PAICS: variants seen among roughly 807,000 people sequenced by gnomAD.
PAICS encodes the protein phosphoribosylaminoimidazole carboxylase and phosphoribosylaminoimidazolesuccinocarboxamide synthase.
PAICS carries 33 observed loss-of-function variants against 53.7 expected under a neutral mutation model. That is an observed-to-expected ratio of 0.61 (90% CI 0.47 to 0.82). The LOEUF is 0.82. Among genes scored for constraint, PAICS ranks in the 40% least tolerant of loss-of-function variants. PAICS has a pLI of 0.00. For missense variants in PAICS, 394 were observed against 494.1 expected (o/e 0.80, Z 1.92); for synonymous variants, 141 against 167.2 (o/e 0.84, Z 1.21).
chr4:56,414,859 A>G, the PAICS span, among the ~76,000 whole-genome samples: 2 of 152,238 alleles, frequency 1.3e-5, no homozygotes, highest in Non-Finnish European at 2.9e-5. Context: ...GTTTTCAACC[A>G]AATCTAAAAC....
the PAICS span, among the ~76,000 whole-genome samples, chr4:56,417,835 G>GTTTTTTTTTTTTTTTTTTTTTTTTT: frequency 6.8e-5 from 7 of 102,526 alleles, no homozygotes; most frequent in African/African-American, 2.4e-4. Context: ...TGAAGATTTG[G>GTTTTTTTTTTTTTTTTTTTTTTTTT]TTTTTTGTTT....
chr4:56,438,371 T>TTATATGTA (rs1718135506), intron 1 of PAICS, among the ~76,000 whole-genome samples: 1 of 113,636 alleles, frequency 8.8e-6, no homozygotes, highest in African/African-American at 3.0e-5. Flanking sequence ...TGCAATGTGT[T>TTATATGTA]TATATATATA....
At chr4:56,434,598 G>T (rs144298967), upstream of PAICS, among the ~76,000 whole-genome samples, 44 of 152,264 alleles carry the variant, frequency 2.9e-4, no homozygotes, top group African/African-American at 1.0e-3. Flanking sequence ...TTGGCATAGA[G>T]ACACTACTCC....
the PAICS span, chr4:56,422,192 GGAA>G: frequency 6.6e-6 from 1 of 152,028 alleles, no homozygotes; most frequent in Admixed American, 6.6e-5. Flanking sequence ...GAGAATCCTT[GGAA>G]CCTGGGAGGC....
In PAICS at chr4:56,463,122, C is replaced by T. The variant is rs143483462; in HGVS notation, c.*3584C>T. 5 of 152,242 alleles carry T rather than the reference C, an allele frequency of 3.3e-5. No homozygotes were observed. In the East Asian group the frequency reaches 9.7e-4, roughly 29 times the overall value. 9.4% of individuals were successfully genotyped at this position (152,242 alleles called of 1,614,324 possible). On this transcript the variant is annotated 3_prime_UTR_variant, in exon 9 of 9. Transcript: ENST00000512576. ...GAGCATCCACAACCTGCCATTTCAG[C>T]CCAGCCAACCTTAGAAAGCCATTGA...
chr4:56,454,722 A>G (rs1419543761), intron 8 of PAICS, among the ~76,000 whole-genome samples: 1 of 150,610 alleles, frequency 6.6e-6, no homozygotes, highest in African/African-American at 2.4e-5. Flanking sequence ...CATTCCCTAT[A>G]TTTTCTATAA....
At chr4:56,446,236 A>AT (rs1473806038) in intron 2 of PAICS, 1 of 600,464 alleles carries the variant, frequency 1.7e-6, no homozygotes, top group Non-Finnish European at 3.1e-6. Flanking sequence ...CCCATTATCC[A>AT]TTTCCAGAAC....
At chr4:56,426,824 A>G in the PAICS span, among the ~76,000 whole-genome samples, 1 of 152,196 alleles carries the variant, frequency 6.6e-6, no homozygotes. Flanking sequence ...TTGTGCAAAC[A>G]TCACCACTCT....
Position 56,463,642 on chromosome 4 carries a change from G to C in PAICS, c.*4104G>C, listed in dbSNP as rs570802116. The stretch of plus-strand genomic sequence containing the variant: ...TGGAAGGCAGAGGTTGTGGTGAGCT[G>C]AGATCGAACCATTGCACTCCAGCCT... On this transcript the variant is annotated 3_prime_UTR_variant, in exon 9 of 9. Transcript: ENST00000512576. 18 of 148,722 alleles carry C rather than the reference G, an allele frequency of 1.2e-4. No individual in the cohort carries two copies. Among genetic ancestry groups the C allele is most frequent in the African/African-American group, 4.2e-4 (17 of 40,010 alleles). The allele number at this position is 148,722 out of a possible 1,614,324, so 9.2% of individuals were successfully genotyped here.
At chr4:56,436,197 C>A, upstream of PAICS, 1 of 1,524,044 alleles carries the variant, frequency 6.6e-7, no homozygotes, top group Non-Finnish European at 8.8e-7. Context: ...AAGAGTGGCG[C>A]AGGGTCGCGC....
At chr4:56,431,772 G>T (rs114460344), upstream of PAICS, among the ~76,000 whole-genome samples, 1,757 of 152,294 alleles carry the variant, frequency 0.012, 33 homozygotes, top group African/African-American at 0.038. Context: ...AAATGTGACT[G>T]TGTTTTAAAG....
chr4:56,444,310 G>C (rs561800386), intron 2 of PAICS, among the ~76,000 whole-genome samples: 1 of 152,184 alleles, frequency 6.6e-6, no homozygotes, highest in Non-Finnish European at 1.5e-5. Context: ...ACAATTTGTG[G>C]ATTTGGTTTT....
intron 8 of PAICS, among the ~76,000 whole-genome samples, 178 bp downstream of exon 8, chr4:56,453,939 T>C (rs1719055745): frequency 6.6e-6 from 1 of 152,216 alleles, no homozygotes; most frequent in Admixed American, 6.5e-5. Flanking sequence ...TTAGACGTTA[T>C]AGTAATTTAT....
chr4:56,458,018 G>A (rs144772547), intron 8 of PAICS, among the ~76,000 whole-genome samples: 2 of 152,142 alleles, frequency 1.3e-5, no homozygotes, highest in East Asian at 1.9e-4. Flanking sequence ...AAAAATCAGC[G>A]GCTACAAATA....
At chr4:56,451,799 T>G in intron 6 of PAICS, 73 bp from the exon 7 acceptor site, 1 of 916,910 alleles carries the variant, frequency 1.1e-6, no homozygotes, top group Non-Finnish European at 1.6e-6. Flanking sequence ...AGATATAATT[T>G]TACTACAAAC....
At chr4:56,439,532 C>T (rs1390463692) in intron 1 of PAICS, among the ~76,000 whole-genome samples, 2 of 152,154 alleles carry the variant, frequency 1.3e-5, no homozygotes, top group Admixed American at 6.5e-5. Flanking sequence ...CCACTGTTCC[C>T]GGCCCACTGT....
In PAICS at chr4:56,463,964, GAAC is replaced by G. The variant is rs1469070254; in HGVS notation, c.*4429_*4431del. The G allele has an allele frequency of 1.3e-5, 2 of 150,392 alleles. No homozygotes were observed. The highest frequency in any genetic ancestry group is 3.9e-4 in the East Asian group (2 of 5,178). The allele number at this position is 150,392 out of a possible 1,614,324, so 9.3% of individuals were successfully genotyped here. On this transcript the variant is annotated 3_prime_UTR_variant, in exon 9 of 9. Coordinates refer to ENST00000512576, the MANE Select transcript of PAICS (RefSeq NM_001079524.2). ...ATCTAATCCATTGAGGGCCTGAATAGAACAAAAAAGGGGAAGAAGGGTGAACTG... is the reference window on the plus strand; with the variant it reads ...ATCTAATCCATTGAGGGCCTGAATAGAAAAAAGGGGAAGAAGGGTGAACTG...
chr4:56,414,747 G>A, the PAICS span, among the ~76,000 whole-genome samples: 1 of 152,138 alleles, frequency 6.6e-6, no homozygotes, highest in Non-Finnish European at 1.5e-5. Flanking sequence ...TAGAAACCCT[G>A]CCTTTATTTA....
the PAICS span, among the ~76,000 whole-genome samples, chr4:56,413,958 T>C: frequency 6.6e-6 from 1 of 152,238 alleles, no homozygotes; most frequent in Non-Finnish European, 1.5e-5. Context: ...CAATGGCCTA[T>C]AATGATATAC....
Sources: gnomAD v4.1 joint callset for allele counts (sites outside exome capture counted in the v4.1 genomes callset) on GRCh38, gnomAD v4.1.1 for gene constraint, MANE v1.5 for transcripts, NCBI Gene and HGNC (gene_info 2026-07-23, HGNC 2026-07-21) for gene names.